Variants in MYLK observed in about 807,000 individuals in gnomAD.
MYLK encodes myosin light chain kinase, smooth muscle.
In MYLK, 106 loss-of-function variants were observed where a neutral mutation model predicts 203.4. That is an observed-to-expected ratio of 0.52 (90% CI 0.45 to 0.61). The LOEUF (loss-of-function observed/expected upper bound fraction) is 0.61, where lower values mean the gene tolerates loss of function less well. MYLK is among the 20% of genes least tolerant of loss of function. The pLI, the probability that MYLK is intolerant of heterozygous loss-of-function variation, is 0.00. For synonymous variants in MYLK, 867 were observed against 959.5 expected, an observed-to-expected ratio of 0.90 and a Z score of 1.78; for missense variants, 2,072 against 2,442.3, an observed-to-expected ratio of 0.85 and a Z score of 3.20.
intron 2 of MYLK, among the ~76,000 whole-genome samples, chr3:123,864,767 C>T (rs529652290): frequency 1.4e-3 from 211 of 152,094 alleles, no homozygotes; most frequent in African/African-American, 4.9e-3. Context: ...TAGCCAGGCA[C>T]GGTGGCATGT....
intron 19 of MYLK, among the ~76,000 whole-genome samples, chr3:123,682,513 G>C (rs1212575800): frequency 6.6e-6 from 1 of 152,166 alleles, no homozygotes. Flanking sequence ...CACTACCCTG[G>C]GCCTGATTAA....
chr3:123,708,631 C>T, intron 15 of MYLK, 67 bp downstream of exon 15: 1 of 1,594,548 alleles, frequency 6.3e-7, no homozygotes, highest in Non-Finnish European at 8.6e-7. Flanking sequence ...TTCCTTGCCT[C>T]CAAATCACTT....
Position 123,629,068 on chromosome 3 carries a change from G to A in MYLK, c.5114+406C>T, listed in dbSNP as rs2058294249. On this transcript the variant is annotated intron_variant, in intron 30 of 33. Coordinates refer to ENST00000360304, the MANE Select transcript of MYLK (RefSeq NM_053025.4). This position sits in a 1 kb window ranked among gnomAD's most constrained non-coding sequence, Gnocchi z 4.4. Reference sequence around the variant, plus strand: ...CACAGAGAAGTTCTAAGATGCCCGTGTCCTCTGCTCTTGCTTGTTGAGAGG... The same window carrying A: ...CACAGAGAAGTTCTAAGATGCCCGTATCCTCTGCTCTTGCTTGTTGAGAGG... 1.3e-5 allele frequency among the ~76,000 whole-genome samples: 2 copies of A among 152,302 alleles called. No homozygotes were observed. Among genetic ancestry groups the A allele is most frequent in the South Asian group, 4.2e-4 (2 of 4,816 alleles).
At chr3:123,856,202 C>T (rs2031355331) in intron 2 of MYLK, among the ~76,000 whole-genome samples, 1 of 152,154 alleles carries the variant, frequency 6.6e-6, no homozygotes, top group Non-Finnish European at 1.5e-5. Context: ...GTTTTTCTTC[C>T]TCTTTACCTG....
chr3:123,625,249 C>T (rs1315043610), intron 31 of MYLK: 2 of 152,242 alleles, frequency 1.3e-5, no homozygotes, highest in East Asian at 3.9e-4. Flanking sequence ...TCTATCCATA[C>T]ACACCCATGG....
intron 32 of MYLK, among the ~76,000 whole-genome samples, 160 bp from the exon 33 acceptor site, chr3:123,618,930 G>A (rs1166664153): frequency 2.0e-5 from 3 of 152,218 alleles, no homozygotes; most frequent in African/African-American, 7.2e-5. Flanking sequence ...GGGACAGGTT[G>A]GCCTGCTGCC....
At chr3:123,617,810 G>T (rs2057591690) in intron 33 of MYLK, 1 of 152,214 alleles carries the variant, frequency 6.6e-6, no homozygotes, top group South Asian at 2.1e-4. Flanking sequence ...TATGAAAATG[G>T]AAACGCTTTG....
chr3:123,809,036 T>C (rs1228128830), intron 3 of MYLK, among the ~76,000 whole-genome samples: 9 of 152,230 alleles, frequency 5.9e-5, no homozygotes, highest in Non-Finnish European at 1.2e-4. Context: ...AAGGTCCTGG[T>C]GTCCTGTCCT....
rs200774169 is a variant in MYLK, at chr3:123,649,200, G to C, written c.4289-6C>G. ...CTCCACTTCATCCTTCGGCTCTGGG[G>C]GGGGCACAAGGAAGGACAGAGAGGA... On this transcript the variant is annotated splice_polypyrimidine_tract_variant and splice_region_variant and intron_variant, in intron 24 of 33. Coordinates refer to ENST00000360304, the MANE Select transcript of MYLK (RefSeq NM_053025.4). 2 of 1,612,334 alleles carry C rather than the reference G, an allele frequency of 1.2e-6. No homozygotes were observed. Among genetic ancestry groups the C allele is most frequent in the South Asian group, 1.1e-5 (1 of 91,008 alleles).
intron 24 of MYLK, among the ~76,000 whole-genome samples, chr3:123,656,561 C>T (rs1345208041): frequency 6.6e-6 from 1 of 152,130 alleles, no homozygotes; most frequent in African/African-American, 2.4e-5. Context: ...AATCCTATCC[C>T]TTTTTCCAAG....
intron 2 of MYLK, among the ~76,000 whole-genome samples, chr3:123,867,946 G>A (rs2032452625): frequency 6.6e-6 from 1 of 152,194 alleles, no homozygotes; most frequent in African/African-American, 2.4e-5. Context: ...AAAGTGAGTT[G>A]AGAGGTCAGC....
At chr3:123,782,871 ATAAT>A (rs1288676266) in intron 4 of MYLK, among the ~76,000 whole-genome samples, 3 of 152,240 alleles carry the variant, frequency 2.0e-5, no homozygotes, top group Non-Finnish European at 4.4e-5. Flanking sequence ...ACAACAAAAA[ATAAT>A]TCTATTCATA....
intron 9 of MYLK, 29 bp from the exon 10 acceptor site, chr3:123,734,251 T>TGGGGGGGGGGTTGGGGG: frequency 2.2e-6 from 1 of 448,432 alleles, no homozygotes; most frequent in African/African-American, 2.3e-5. Context: ...GGGGGTAGGG[T>TGGGGGGGGGGTTGGGGG]GGGTGAGGAG....
At chr3:123,715,872 C>T (rs1482889368) in intron 13 of MYLK, 2 of 152,246 alleles carry the variant, frequency 1.3e-5, no homozygotes, top group Admixed American at 6.5e-5. Context: ...TGCTGGTCAA[C>T]TTGCTACTTT....
intron 2 of MYLK, among the ~76,000 whole-genome samples, chr3:123,858,116 G>C (rs2031575199): frequency 1.3e-5 from 2 of 152,282 alleles, no homozygotes; most frequent in Admixed American, 1.3e-4. Flanking sequence ...TGCTACAGAG[G>C]CTCTTGGGAG....
chr3:123,762,722 T>C (rs1411078732), intron 4 of MYLK, among the ~76,000 whole-genome samples: 1 of 152,166 alleles, frequency 6.6e-6, no homozygotes. Flanking sequence ...CGGAGGTAGT[T>C]TGCCCCTTTT....
chr3:123,722,123 C>G lies in MYLK; in HGVS notation c.1804+5G>C. 1 of 1,563,882 alleles carries G rather than the reference C, an allele frequency of 6.4e-7. No individual in the cohort carries two copies. The highest frequency in any genetic ancestry group is 1.2e-5 in the South Asian group (1 of 84,704). On this transcript the variant is annotated splice_donor_5th_base_variant and intron_variant, in intron 13 of 33. Coordinates refer to ENST00000360304, the MANE Select transcript of MYLK (RefSeq NM_053025.4). ...GCTTCTACCCAGGTGCCCAGAGGCT[C>G]CTACCATGGACGGTGACCCAGGCGC...
Position 123,737,517 on chromosome 3 carries a change from G to A in MYLK, c.615C>T (p.Ala205=), listed in dbSNP as rs1341494146. ...CGTTCTTCTCAGACACAGACACACG[G>A]GCACTCGGCTGCAGTGGAACATTTC... ...LKGNVPLQPS[A]RVSVSEKNGM... Residue 205 remains alanine, a synonymous_variant, in exon 8 of 34, where the codon GCC becomes GCT. Coordinates refer to ENST00000360304, the MANE Select transcript of MYLK (RefSeq NM_053025.4). The A allele has an allele frequency of 6.2e-7, 1 of 1,614,016 alleles. No individual in the cohort carries two copies. The highest frequency in any genetic ancestry group is 8.5e-7 in the Non-Finnish European group (1 of 1,180,040).
intron 29 of MYLK, among the ~76,000 whole-genome samples, chr3:123,637,209 C>G (rs1284691041): frequency 1.3e-5 from 2 of 152,204 alleles, no homozygotes; most frequent in Admixed American, 6.5e-5. Context: ...CACACAGGTT[C>G]AGGGGCTAAT....
Sources: allele counts gnomAD v4.1 joint callset (sites outside exome capture counted in the v4.1 genomes callset), GRCh38; gene constraint gnomAD v4.1.1; non-coding constraint Gnocchi (gnomAD v3.1); transcripts MANE v1.5; gene names NCBI Gene and HGNC (gene_info 2026-07-23, HGNC 2026-07-21).